The following CSMD3 variants were observed in gnomAD, a reference collection of about 807,000 sequenced individuals.
The protein encoded by CSMD3 is CUB and Sushi multiple domains 3.
In CSMD3, 177 loss-of-function variants were observed where a neutral mutation model predicts 435.2. That is an observed-to-expected ratio of 0.41 (90% CI 0.36 to 0.46). The LOEUF (loss-of-function observed/expected upper bound fraction) is 0.46. Among genes scored for constraint, CSMD3 ranks in the 20% least tolerant of loss-of-function variants. The probability of loss-of-function intolerance (pLI) is 0.34; values close to 1 mark genes in which losing one functional copy is unlikely to be tolerated. For synonymous variants in CSMD3, 1,656 were observed against 1,520.5 expected (o/e 1.09, Z -2.07); for missense variants, 4,265 against 4,504.6 (o/e 0.95, Z 1.52).
chr8:113,263,165 GAAAT>G (rs2132366742), intron 3 of CSMD3, among the ~76,000 whole-genome samples: 1 of 152,006 alleles, frequency 6.6e-6, no homozygotes, highest in South Asian at 2.1e-4. Context: ...TGTAACACGT[GAAAT>G]AAAGTCTTCA....
At chr8:112,975,208 C>T (rs1029424885) in intron 7 of CSMD3, among the ~76,000 whole-genome samples, 1 of 151,930 alleles carries the variant, frequency 6.6e-6, no homozygotes, top group African/African-American at 2.4e-5. Flanking sequence ...ATAAATTAGA[C>T]ATTTAAAGAA....
intron 32 of CSMD3, among the ~76,000 whole-genome samples, chr8:112,462,794 A>G (rs772922461): frequency 6.6e-6 from 1 of 152,136 alleles, no homozygotes; most frequent in Non-Finnish European, 1.5e-5. Flanking sequence ...CCTCTGCCTC[A>G]TATCTGGGCA....
At chr8:113,242,601 A>C (rs1451406447) in intron 3 of CSMD3, among the ~76,000 whole-genome samples, 1 of 152,056 alleles carries the variant, frequency 6.6e-6, no homozygotes, top group Non-Finnish European at 1.5e-5. Flanking sequence ...TTTATTGTGA[A>C]AACTCATCCT....
intron 10 of CSMD3, among the ~76,000 whole-genome samples, chr8:112,888,027 A>G (rs2081661192): frequency 6.6e-6 from 1 of 151,720 alleles, no homozygotes; most frequent in African/African-American, 2.4e-5. Flanking sequence ...ATAGAACAGA[A>G]ACAACAACAA....
At position 112,550,671 on chromosome 8, in the gene CSMD3, T is replaced by C; in HGVS notation, c.4564A>G (p.Ser1522Gly). 2 of 1,576,958 alleles carry C rather than the reference T, an allele frequency of 1.3e-6. No individual in the cohort carries two copies. Among genetic ancestry groups the C allele is most frequent in the Non-Finnish European group, 1.7e-6 (2 of 1,147,006 alleles). Residue 1522 changes from serine to glycine, a missense_variant and splice_region_variant, in exon 27 of 71, where the codon AGT becomes GGT. Ser to Gly is a moderately conservative substitution (Grantham distance 56). This residue lies in a region of CSMD3 where 3,255 missense variants were observed against 3,380.2 expected (regional missense o/e 0.96). Transcript: ENST00000297405. ...SKSGFAIQFS[S>G]SVATACRDPG... ...GAAGAAATTTTTTGAAAAAACTTAC[T>C]TGAAAACTGAATTGCAAATCCAGAT...
intron 6 of CSMD3, 101 bp from the exon 7 acceptor site, chr8:112,976,249 G>A: frequency 2.2e-6 from 3 of 1,363,662 alleles, no homozygotes; most frequent in Non-Finnish European, 3.1e-6. Flanking sequence ...ATTACCTTAA[G>A]GATAATCAAC....
chr8:113,014,857 A>G (rs1314618010), intron 6 of CSMD3, among the ~76,000 whole-genome samples: 1 of 152,260 alleles, frequency 6.6e-6, no homozygotes, highest in Non-Finnish European at 1.5e-5. Flanking sequence ...CTAAATAAAG[A>G]TTGAAGAGTC....
chr8:113,050,302 G>GA (rs2088032227), intron 5 of CSMD3, among the ~76,000 whole-genome samples: 1 of 151,758 alleles, frequency 6.6e-6, no homozygotes, highest in Non-Finnish European at 1.5e-5. Context: ...ATGAGAGAAA[G>GA]AAAAAATTGA....
At chr8:112,643,271 C>T (rs765835492) in intron 20 of CSMD3, among the ~76,000 whole-genome samples, 3 of 152,078 alleles carry the variant, frequency 2.0e-5, no homozygotes, top group Non-Finnish European at 2.9e-5. Flanking sequence ...CCAAGGAGTA[C>T]AGTCCTTATC....
At chr8:112,348,695 G>A (rs192446118) in intron 40 of CSMD3, among the ~76,000 whole-genome samples, 33 of 152,134 alleles carry the variant, frequency 2.2e-4, no homozygotes, top group African/African-American at 6.7e-4. Flanking sequence ...TCAGGAGTTC[G>A]AGACCAGCAT....
chr8:113,362,980 A>G (rs1421738046), intron 1 of CSMD3, among the ~76,000 whole-genome samples: 1 of 152,182 alleles, frequency 6.6e-6, no homozygotes, highest in Non-Finnish European at 1.5e-5. Flanking sequence ...TCCTTAAAAA[A>G]TACTGCTCAG....
At chr8:112,596,430 C>G (rs1449004402) in intron 22 of CSMD3, among the ~76,000 whole-genome samples, 1 of 152,114 alleles carries the variant, frequency 6.6e-6, no homozygotes, top group South Asian at 2.1e-4. Flanking sequence ...GACTTTAACA[C>G]CCCACTGTCA....
chr8:113,414,016 G>A (rs2094570848), intron 1 of CSMD3, among the ~76,000 whole-genome samples: 1 of 152,156 alleles, frequency 6.6e-6, no homozygotes, highest in African/African-American at 2.4e-5. Flanking sequence ...CGAAATAGGA[G>A]ACAGTAACAA....
intron 32 of CSMD3, among the ~76,000 whole-genome samples, chr8:112,441,341 T>C (rs1179296202): frequency 6.6e-6 from 1 of 152,062 alleles, no homozygotes; most frequent in South Asian, 2.1e-4. Flanking sequence ...AAGCTACAAG[T>C]CTCTAAGAAG....
chr8:112,349,597 C>T (rs191558462), intron 40 of CSMD3, among the ~76,000 whole-genome samples: 2 of 152,118 alleles, frequency 1.3e-5, no homozygotes, highest in African/African-American at 4.8e-5. Flanking sequence ...CACACACACA[C>T]CACACAATAT....
chr8:113,270,380 C>G (rs947012160), intron 3 of CSMD3, among the ~76,000 whole-genome samples: 6 of 151,934 alleles, frequency 3.9e-5, no homozygotes, highest in African/African-American at 1.2e-4. Context: ...GTTGGTGGGA[C>G]TGTAAACTAG....
chr8:113,166,217 G>A (rs2092146096), intron 4 of CSMD3, among the ~76,000 whole-genome samples: 1 of 151,926 alleles, frequency 6.6e-6, no homozygotes, highest in African/African-American at 2.4e-5. Flanking sequence ...AAATATATGA[G>A]TTTATGGCTG....
intron 32 of CSMD3, among the ~76,000 whole-genome samples, chr8:112,414,827 A>T (rs1203903474): frequency 6.6e-6 from 1 of 152,172 alleles, no homozygotes; most frequent in African/African-American, 2.4e-5. Context: ...AATAAAGGTG[A>T]TTCTTTCTCT....
intron 2 of CSMD3, among the ~76,000 whole-genome samples, chr8:113,297,727 G>A (rs1035074830): frequency 1.3e-5 from 2 of 151,770 alleles, no homozygotes; most frequent in African/African-American, 4.8e-5. Context: ...ACCAAGAGCT[G>A]GTCATATTAA....
Sources: gnomAD v4.1 joint callset for allele counts (sites outside exome capture counted in the v4.1 genomes callset) on GRCh38, gnomAD v4.1.1 for gene constraint, gnomAD v4.1.1 regional missense constraint, MANE v1.5 for transcripts, NCBI Gene and HGNC (gene_info 2026-07-23, HGNC 2026-07-21) for gene names.